The following ZBTB8A variants were observed in gnomAD, a reference collection of about 807,000 sequenced individuals.
The protein encoded by ZBTB8A is zinc finger and BTB domain-containing protein 8A.
A neutral mutation model predicts 37.8 loss-of-function variants in ZBTB8A; 19 were observed. That is an observed-to-expected ratio of 0.50 (90% CI 0.35 to 0.74). The LOEUF is 0.74. ZBTB8A is among the 30% of genes least tolerant of loss of function. The pLI, the probability that ZBTB8A is intolerant of heterozygous loss-of-function variation, is 0.01. For missense variants in ZBTB8A, 394 were observed against 537.8 expected (o/e 0.73, Z 2.65); for synonymous variants, 181 against 185.2 (o/e 0.98, Z 0.19).
intron 2 of ZBTB8A, among the ~76,000 whole-genome samples, chr1:32,568,332 C>T (rs968420429): frequency 6.6e-6 from 1 of 151,744 alleles, no homozygotes; most frequent in Non-Finnish European, 1.5e-5. Context: ...CCTCCTGTTT[C>T]GTTCCCAGTT....
chr1:32,567,791 C>CAAAAAA (rs1214976482), intron 2 of ZBTB8A, among the ~76,000 whole-genome samples: 79 of 6,304 alleles, frequency 0.013, 2 homozygotes, highest in Non-Finnish European at 0.017. Context: ...GATTCTGTCT[C>CAAAAAA]AAAAAAAAAA....
chr1:32,575,226 CTTTTTTTTTT>C (rs778765276), intron 2 of ZBTB8A, among the ~76,000 whole-genome samples: 1 of 101,020 alleles, frequency 9.9e-6, no homozygotes, highest in African/African-American at 4.1e-5. Flanking sequence ...CTTTTCTTTC[CTTTTTTTTTT>C]TTTTTTTTTT....
At chr1:32,550,987 C>T (rs72652158) in intron 1 of ZBTB8A, among the ~76,000 whole-genome samples, 17,135 of 150,612 alleles carry the variant, frequency 0.11, 1,068 homozygotes, top group African/African-American at 0.18. Context: ...CACAAATTAC[C>T]ACCGTACACA....
chr1:32,551,774 T>A (rs1644158495), intron 1 of ZBTB8A, among the ~76,000 whole-genome samples: 1 of 152,208 alleles, frequency 6.6e-6, no homozygotes, highest in Non-Finnish European at 1.5e-5. Flanking sequence ...GGTCTCACTA[T>A]GTTCCCTACG....
At chr1:32,576,905 C>T (rs1221429786) in intron 2 of ZBTB8A, among the ~76,000 whole-genome samples, 2 of 145,440 alleles carry the variant, frequency 1.4e-5, no homozygotes, top group Non-Finnish European at 3.0e-5. Context: ...TTGAGTCTCA[C>T]TCTGTTATCC....
chr1:32,578,866 A>G (rs1014582676), intron 2 of ZBTB8A, among the ~76,000 whole-genome samples: 2 of 152,018 alleles, frequency 1.3e-5, no homozygotes, highest in African/African-American at 4.8e-5. Context: ...GCCTCATGCC[A>G]TTGTGCCCAG....
chr1:32,556,770 G>A (rs1376869562), intron 2 of ZBTB8A, among the ~76,000 whole-genome samples: 2 of 151,928 alleles, frequency 1.3e-5, no homozygotes, highest in African/African-American at 2.4e-5. Context: ...CCAGCTACTC[G>A]GGAGGCTGAG....
At chr1:32,575,744 C>T (rs1269312338) in intron 2 of ZBTB8A, among the ~76,000 whole-genome samples, 1 of 151,430 alleles carries the variant, frequency 6.6e-6, no homozygotes, top group Non-Finnish European at 1.5e-5. Context: ...CCCAGCTACT[C>T]GGGGGGCTGA....
chr1:32,593,385 A>G lies in ZBTB8A; in HGVS notation c.454A>G (p.Ser152Gly), dbSNP rs781671779. 1 of 1,614,134 alleles carries G rather than the reference A, an allele frequency of 6.2e-7. No homozygotes were observed. The highest frequency in any genetic ancestry group is 8.5e-7 in the Non-Finnish European group (1 of 1,180,042). The part of the protein sequence containing the change: ...SNGVERSSFY[S>G]GGWQEGSSSP... ...TGGTGTAGAACGTTCCTCTTTTTAT[A>G]GTGGTGGCTGGCAAGAAGGAAGCAG... Residue 152 changes from serine (S) to glycine (G), a missense_variant, in exon 3 of 5, where the codon AGT (serine) becomes GGT (glycine). By Grantham distance (56) the Ser-to-Gly change is moderately conservative. Coordinates refer to ENST00000373510, the MANE Select transcript of ZBTB8A (RefSeq NM_001040441.3).
chr1:32,598,137 A>G lies in ZBTB8A; in HGVS notation c.994-1950A>G, dbSNP rs76977054. Among the ~76,000 whole-genome samples the G allele has an allele frequency of 2.1e-3, 323 of 152,040 alleles. 4 individuals are homozygous for G. In the East Asian group the frequency reaches 0.036, roughly 17 times the overall value. ...TTAATGTTTACTGATTAATATGTCA[A>G]CAGTTACACACAGGATAATAACTGT... On this transcript the variant is annotated intron_variant, in intron 4 of 4. Coordinates refer to ENST00000373510, the MANE Select transcript of ZBTB8A (RefSeq NM_001040441.3).
chr1:32,585,345 A>G (rs1050723588), intron 2 of ZBTB8A, among the ~76,000 whole-genome samples: 3 of 152,016 alleles, frequency 2.0e-5, no homozygotes, highest in African/African-American at 4.8e-5. Flanking sequence ...CATTAGAATA[A>G]GAGACTTTAG....
chr1:32,594,932 A>C, intron 3 of ZBTB8A, 122 bp from the exon 4 acceptor site: 3 of 1,076,042 alleles, frequency 2.8e-6, no homozygotes, highest in Non-Finnish European at 3.8e-6. Flanking sequence ...AATTCTTTTT[A>C]TTTCTTTTTT....
intron 2 of ZBTB8A, among the ~76,000 whole-genome samples, chr1:32,558,438 A>AACACACACACACACAC (rs35047367): frequency 1.9e-4 from 28 of 145,768 alleles, no homozygotes; most frequent in Admixed American, 2.8e-4. Context: ...CTAAGTATTA[A>AACACACACACACACAC]ACACACACAC....
chr1:32,560,429 T>G (rs191509770), intron 2 of ZBTB8A, among the ~76,000 whole-genome samples: 22 of 152,082 alleles, frequency 1.4e-4, no homozygotes, highest in Admixed American at 1.1e-3. Context: ...TAAATTTCAT[T>G]TATTTGTCTT....
intron 2 of ZBTB8A, among the ~76,000 whole-genome samples, chr1:32,570,895 A>G (rs1644317895): frequency 6.7e-6 from 1 of 149,802 alleles, no homozygotes; most frequent in African/African-American, 2.5e-5. Flanking sequence ...TTTTTTTTTA[A>G]GACTGAGTCT....
Position 32,593,365 on chromosome 1 carries a change from T to C in ZBTB8A, c.434T>C (p.Val145Ala). ...GATAAAGATGCCAATTCTAATGGTG[T>C]AGAACGTTCCTCTTTTTATAGTGGT... ...LSDKDANSNG[V>A]ERSSFYSGGW... The change falls in exon 3 of 5, where the codon GTA (valine) becomes GCA (alanine). Residue 145 changes from valine (V) to alanine (A), a missense_variant. By Grantham distance (64) the Val-to-Ala change is moderately conservative. Coordinates refer to ENST00000373510, the MANE Select transcript of ZBTB8A (RefSeq NM_001040441.3). 6.2e-7 allele frequency: 1 copy of C among 1,614,208 alleles called. No individual in the cohort carries two copies. The highest frequency in any genetic ancestry group is 1.1e-5 in the South Asian group (1 of 91,086).
intron 2 of ZBTB8A, among the ~76,000 whole-genome samples, chr1:32,558,244 C>G (rs908409364): frequency 6.6e-6 from 1 of 152,004 alleles, no homozygotes; most frequent in Admixed American, 6.6e-5. Context: ...GAAAATCAAA[C>G]CTTAAACAAG....
chr1:32,555,306 G>A (rs986123664), intron 2 of ZBTB8A, among the ~76,000 whole-genome samples: 1 of 152,028 alleles, frequency 6.6e-6, no homozygotes. Flanking sequence ...GGAGAATGGC[G>A]TGAACCCGGG....
chr1:32,584,970 G>T (rs1370824459), intron 2 of ZBTB8A, among the ~76,000 whole-genome samples: 1 of 148,678 alleles, frequency 6.7e-6, no homozygotes, highest in Non-Finnish European at 1.5e-5. Context: ...GGGACTACAT[G>T]AAATAAAACT....
Sources: gnomAD v4.1 joint callset for allele counts (sites outside exome capture counted in the v4.1 genomes callset) on GRCh38, gnomAD v4.1.1 for gene constraint, MANE v1.5 for transcripts, NCBI Gene and HGNC (gene_info 2026-07-23, HGNC 2026-07-21) for gene names.